Variants in CEP128 observed in about 807,000 individuals in gnomAD.
CEP128 encodes centrosomal protein 128.
CEP128 carries 132 observed loss-of-function variants against 156.7 expected under a neutral mutation model. The observed-to-expected ratio is 0.84, with a 90% CI of 0.73 to 0.97. CEP128 has a LOEUF of 0.97. Ranked by LOEUF, CEP128 falls within the 50% of genes least tolerant of loss-of-function variation. The probability of loss-of-function intolerance (pLI) is 0.00; values close to 1 mark genes in which losing one functional copy is unlikely to be tolerated. For synonymous variants in CEP128, 469 were observed against 448.9 expected (o/e 1.04, Z -0.57); for missense variants, 1,252 against 1,281.9 (o/e 0.98, Z 0.36).
At chr14:80,709,853 A>G (rs148409621) in intron 19 of CEP128, among the ~76,000 whole-genome samples, 157 of 151,852 alleles carry the variant, frequency 1.0e-3, no homozygotes, top group Non-Finnish European at 1.8e-3. Context: ...TTTTTTTCTG[A>G]TTGGTTCAGT....
chr14:80,742,138 C>A (rs1380830046), intron 19 of CEP128, among the ~76,000 whole-genome samples: 1 of 152,212 alleles, frequency 6.6e-6, no homozygotes, highest in African/African-American at 2.4e-5. Flanking sequence ...CCAGGCAGTA[C>A]TGTTACAATA....
chr14:80,611,975 T>C (rs1893011168), intron 19 of CEP128, among the ~76,000 whole-genome samples: 1 of 152,132 alleles, frequency 6.6e-6, no homozygotes, highest in African/African-American at 2.4e-5. Flanking sequence ...GGAGAATTGC[T>C]TGAATCCAGG....
At chr14:80,621,010 A>G (rs1008487383) in intron 19 of CEP128, among the ~76,000 whole-genome samples, 1 of 152,188 alleles carries the variant, frequency 6.6e-6, no homozygotes, top group Non-Finnish European at 1.5e-5. Context: ...GATAATTGTC[A>G]CATCTAAAGC....
At position 80,777,895 on chromosome 14, in the gene CEP128, T is replaced by C. The variant is rs764669846; in HGVS notation, c.2363A>G (p.Gln788Arg). The change falls in exon 16 of 25, where the codon CAA becomes CGA. Residue 788 changes from glutamine (Q) to arginine (R), a missense_variant. Transcript: ENST00000555265. ...TCATATTTTTACCCTTTCTTCTAGTTGATCCTTCAAACATTGATATTTTAG... is the reference window on the plus strand; with the variant it reads ...TCATATTTTTACCCTTTCTTCTAGTCGATCCTTCAAACATTGATATTTTAG... ...LKLKYQCLKD[Q>R]LEEREKHISI... 6.2e-7 allele frequency: 1 copy of C among 1,605,356 alleles called. No homozygotes were observed. The highest frequency in any genetic ancestry group is 8.5e-7 in the Non-Finnish European group (1 of 1,173,918).
intron 19 of CEP128, among the ~76,000 whole-genome samples, chr14:80,620,418 G>A (rs1893429447): frequency 6.6e-6 from 1 of 151,990 alleles, no homozygotes; most frequent in Non-Finnish European, 1.5e-5. Flanking sequence ...AAGTAAATAA[G>A]TCTATACCAA....
chr14:80,845,934 G>T (rs2140100465), intron 9 of CEP128, among the ~76,000 whole-genome samples: 1 of 152,172 alleles, frequency 6.6e-6, no homozygotes, highest in South Asian at 2.1e-4. Flanking sequence ...GCGTAACATA[G>T]AAATTGAACA....
At chr14:80,500,538 T>C (rs1196497909) in intron 24 of CEP128, among the ~76,000 whole-genome samples, 9 of 152,234 alleles carry the variant, frequency 5.9e-5, no homozygotes, top group Admixed American at 5.2e-4. Flanking sequence ...GTAACACTTG[T>C]CTTTGTAAGA....
intron 8 of CEP128, among the ~76,000 whole-genome samples, chr14:80,869,035 A>G (rs1392097908): frequency 6.6e-6 from 1 of 152,074 alleles, no homozygotes; most frequent in Non-Finnish European, 1.5e-5. Flanking sequence ...AAACAGAAAT[A>G]CAATAGTAGT....
chr14:80,502,564 C>T (rs999230107), intron 24 of CEP128, among the ~76,000 whole-genome samples: 1 of 151,948 alleles, frequency 6.6e-6, no homozygotes, highest in Non-Finnish European at 1.5e-5. Flanking sequence ...TTGTTTTCCA[C>T]CTTTCTGGTT....
chr14:80,522,145 G>A (rs1888773467), intron 23 of CEP128, among the ~76,000 whole-genome samples: 1 of 152,120 alleles, frequency 6.6e-6, no homozygotes, highest in Non-Finnish European at 1.5e-5. Context: ...TATATTTACA[G>A]TCATTAAAAT....
chr14:80,658,857 A>G (rs1359383743), intron 19 of CEP128, among the ~76,000 whole-genome samples: 4 of 152,188 alleles, frequency 2.6e-5, no homozygotes, highest in African/African-American at 9.7e-5. Context: ...CTACCACCCT[A>G]GATGAACAGT....
intron 21 of CEP128, among the ~76,000 whole-genome samples, chr14:80,553,558 C>A (rs914221794): frequency 4.6e-5 from 7 of 152,292 alleles, no homozygotes; most frequent in Non-Finnish European, 8.8e-5. Flanking sequence ...AGCTTTAATA[C>A]ATTTTGATAC....
chr14:80,888,971 T>C (rs1208403911), intron 8 of CEP128, among the ~76,000 whole-genome samples: 2 of 152,040 alleles, frequency 1.3e-5, no homozygotes, highest in Admixed American at 1.3e-4. Context: ...TCACAAGCAT[T>C]CCTATACACC....
chr14:80,726,440 T>G (rs1287957227), intron 19 of CEP128, among the ~76,000 whole-genome samples: 1 of 152,160 alleles, frequency 6.6e-6, no homozygotes, highest in African/African-American at 2.4e-5. Context: ...TTGAAAAACA[T>G]GCACCCACAT....
At chr14:80,625,229 T>G (rs984227601) in intron 19 of CEP128, among the ~76,000 whole-genome samples, 16 of 152,212 alleles carry the variant, frequency 1.1e-4, no homozygotes, top group African/African-American at 3.9e-4. Context: ...TGTATGTTCT[T>G]GGCAACTTTG....
chr14:80,761,673 T>A, intron 16 of CEP128, 60 bp from the exon 17 acceptor site: 1 of 1,222,686 alleles, frequency 8.2e-7, no homozygotes, highest in Non-Finnish European at 1.1e-6. Context: ...AAGAAAATAC[T>A]TGTAATATCT....
chr14:80,690,951 CTT>C (rs1423712856), intron 19 of CEP128, among the ~76,000 whole-genome samples: 2 of 152,128 alleles, frequency 1.3e-5, no homozygotes, highest in Non-Finnish European at 2.9e-5. Context: ...CAAACATACT[CTT>C]AATAATATCT....
intron 20 of CEP128, among the ~76,000 whole-genome samples, chr14:80,571,276 A>G (rs1355436379): frequency 6.6e-6 from 1 of 152,130 alleles, no homozygotes; most frequent in East Asian, 1.9e-4. Flanking sequence ...TGACCAATGT[A>G]TTGGTTCTTT....
intron 20 of CEP128, among the ~76,000 whole-genome samples, chr14:80,566,499 T>A (rs951755180): frequency 2.6e-5 from 4 of 152,040 alleles, no homozygotes; most frequent in Admixed American, 6.6e-5. Flanking sequence ...TACAGTGATT[T>A]AAAAAAAATT....
Sources: gnomAD v4.1 joint callset for allele counts (sites outside exome capture counted in the v4.1 genomes callset) on GRCh38, gnomAD v4.1.1 for gene constraint, MANE v1.5 for transcripts, NCBI Gene and HGNC (gene_info 2026-07-23, HGNC 2026-07-21) for gene names.